Variants in GCNT2 observed in about 807,000 individuals in gnomAD.
GCNT2 encodes glucosaminyl (N-acetyl) transferase 2 (I blood group).
Under a neutral mutation model 34.2 loss-of-function variants are expected in GCNT2, and 34 were observed. That is an observed-to-expected ratio of 1.00 (90% CI 0.76 to 1.32). The LOEUF (loss-of-function observed/expected upper bound fraction) is 1.32, where lower values mean the gene tolerates loss of function less well. GCNT2 is among the 40% of genes most tolerant of loss of function. The pLI is 0.00. For missense variants in GCNT2, 584 were observed against 489.4 expected (o/e 1.19, Z -1.82); for synonymous variants, 212 against 188.0 (o/e 1.13, Z -1.04).
chr6:10,557,347 G>C, intron 3 of GCNT2: 1 of 1,604,832 alleles, frequency 6.2e-7, no homozygotes, highest in Non-Finnish European at 8.5e-7. Context: ...TTCCAGGTAC[G>C]TACAATTCCA....
chr6:10,569,470 A>T (rs1475863008), intron 3 of GCNT2, among the ~76,000 whole-genome samples: 1 of 152,016 alleles, frequency 6.6e-6, no homozygotes, highest in Non-Finnish European at 1.5e-5. Flanking sequence ...TATAAGCATG[A>T]GCCACTGCAC....
At chr6:10,593,960 A>C (rs984055630) in intron 3 of GCNT2, among the ~76,000 whole-genome samples, 3 of 152,234 alleles carry the variant, frequency 2.0e-5, no homozygotes, top group African/African-American at 7.2e-5. Flanking sequence ...GTTAGTTTAC[A>C]CTGAGCCTTA....
intron 1 of GCNT2, among the ~76,000 whole-genome samples, chr6:10,523,885 A>G (rs2113473401): frequency 6.8e-6 from 1 of 147,890 alleles, no homozygotes; most frequent in East Asian, 2.1e-4. Context: ...AGGCAGGAGA[A>G]TGGCCTGAAC....
chr6:10,522,897 C>T (rs1490351655), intron 1 of GCNT2, among the ~76,000 whole-genome samples: 2 of 152,152 alleles, frequency 1.3e-5, no homozygotes, highest in Non-Finnish European at 2.9e-5. Flanking sequence ...TCCTCAACTC[C>T]AGGGTAACTT....
At chr6:10,621,320 T>C in intron 3 of GCNT2, 31 bp from the exon 4 acceptor site, 3 of 1,395,268 alleles carry the variant, frequency 2.2e-6, no homozygotes, top group Non-Finnish European at 3.0e-6. Context: ...ATGACTCTCA[T>C]CTCTACGCTT....
intron 3 of GCNT2, among the ~76,000 whole-genome samples, chr6:10,618,951 C>A (rs985128193): frequency 1.3e-5 from 2 of 152,124 alleles, no homozygotes; most frequent in Admixed American, 1.3e-4. Context: ...ACAGGAAAAG[C>A]TGTAACAAAA....
At chr6:10,574,906 C>A (rs1034870631) in intron 3 of GCNT2, 6 of 700,140 alleles carry the variant, frequency 8.6e-6, no homozygotes, top group Non-Finnish European at 1.6e-5. Context: ...TTTCTTCAAG[C>A]GTTTCAGGAA....
intron 3 of GCNT2, among the ~76,000 whole-genome samples, chr6:10,588,809 GGTGTA>G (rs1764468841): frequency 1.6e-5 from 2 of 123,542 alleles, no homozygotes; most frequent in Admixed American, 8.6e-5. Context: ...GTGTGTGTGT[GGTGTA>G]TGTGTGTTTG....
chr6:10,587,588 T>G (rs531840351), intron 3 of GCNT2, among the ~76,000 whole-genome samples: 1 of 152,366 alleles, frequency 6.6e-6, no homozygotes, highest in East Asian at 1.9e-4. Context: ...GTCATAGGTT[T>G]TTATTGGACA....
intron 3 of GCNT2, chr6:10,557,281 G>A (rs911890175): frequency 1.2e-6 from 2 of 1,613,226 alleles, no homozygotes; most frequent in African/African-American, 2.7e-5. Flanking sequence ...ATTTGCTCCA[G>A]TGGTCCAAGG....
intron 3 of GCNT2, among the ~76,000 whole-genome samples, chr6:10,620,736 A>C (rs1293277791): frequency 1.3e-5 from 2 of 152,204 alleles, no homozygotes; most frequent in Non-Finnish European, 2.9e-5. Context: ...ACTATGATTA[A>C]ATAGACCCTT....
chr6:10,551,753 A>AT (rs1488096809), intron 3 of GCNT2, among the ~76,000 whole-genome samples: 1 of 147,410 alleles, frequency 6.8e-6, no homozygotes, highest in Non-Finnish European at 1.5e-5. Flanking sequence ...ATTTTTTTTT[A>AT]TTTTTTATTT....
chr6:10,537,096 T>G (rs2113558402), intron 3 of GCNT2, among the ~76,000 whole-genome samples: 1 of 152,274 alleles, frequency 6.6e-6, no homozygotes, highest in East Asian at 1.9e-4. Flanking sequence ...AACAGTTTCT[T>G]AGGAAGGTGG....
At chr6:10,544,998 T>C (rs987118734) in intron 3 of GCNT2, among the ~76,000 whole-genome samples, 2 of 151,760 alleles carry the variant, frequency 1.3e-5, no homozygotes, top group African/African-American at 4.9e-5. Context: ...GTCAGAGAGC[T>C]GCTGGGAAAA....
chr6:10,533,320 A>T (rs749054995), intron 3 of GCNT2, among the ~76,000 whole-genome samples: 20 of 151,698 alleles, frequency 1.3e-4, no homozygotes, highest in East Asian at 1.9e-4. Flanking sequence ...ATAAAAATTT[A>T]AAAAAAAATT....
At position 10,558,419 on chromosome 6, in the gene GCNT2, T is replaced by A. The variant is rs547779739; in HGVS notation, c.925+28583T>A. Among the ~76,000 whole-genome samples, 83 of 152,284 alleles carry A rather than the reference T, an allele frequency of 5.5e-4. 2 individuals carry two copies. The South Asian group carries it at 0.012, about 23-fold the overall frequency. ...TACCATATTATATGTGTAGGATTTT[T>A]AAAAATACATTTTATTTCAAATAAA... On this transcript the variant is annotated intron_variant, in intron 3 of 4. Coordinates refer to ENST00000495262, the MANE Select transcript of GCNT2 (RefSeq NM_145649.5).
chr6:10,594,278 T>C (rs989859564), intron 3 of GCNT2, among the ~76,000 whole-genome samples: 1 of 152,200 alleles, frequency 6.6e-6, no homozygotes, highest in African/African-American at 2.4e-5. Context: ...CTGGCACATG[T>C]ATAGATTTGC....
At chr6:10,543,795 C>T (rs1290707796) in intron 3 of GCNT2, among the ~76,000 whole-genome samples, 3 of 152,160 alleles carry the variant, frequency 2.0e-5, no homozygotes, top group Non-Finnish European at 4.4e-5. Context: ...AAGATTGTTG[C>T]AATCACTGAG....
intron 3 of GCNT2, among the ~76,000 whole-genome samples, chr6:10,610,792 T>C (rs1765514505): frequency 6.6e-6 from 1 of 152,172 alleles, no homozygotes. Context: ...TCTGCACTCC[T>C]AAACTAGAGC....
Sources: gnomAD v4.1 joint callset for allele counts (sites outside exome capture counted in the v4.1 genomes callset) on GRCh38, gnomAD v4.1.1 for gene constraint, MANE v1.5 for transcripts, NCBI Gene and HGNC (gene_info 2026-07-23, HGNC 2026-07-21) for gene names.